The following COL22A1 variants were observed in gnomAD, a reference collection of about 807,000 sequenced individuals.
COL22A1 encodes collagen type XXII alpha 1 chain.
Under a neutral mutation model 248.9 loss-of-function variants are expected in COL22A1, and 221 were observed. That is an observed-to-expected ratio of 0.89 (90% CI 0.80 to 0.99). The LOEUF (loss-of-function observed/expected upper bound fraction) is 0.99. COL22A1 is among the 50% of genes least tolerant of loss of function. COL22A1 has a pLI of 0.00. For missense variants in COL22A1, 2,240 were observed against 2,179.0 expected, an observed-to-expected ratio of 1.03 and a Z score of -0.56; for synonymous variants, 891 against 793.4, an observed-to-expected ratio of 1.12 and a Z score of -2.07.
chr8:138,618,218 A>G (rs1819490884), intron 53 of COL22A1, among the ~76,000 whole-genome samples: 1 of 152,232 alleles, frequency 6.6e-6, no homozygotes, highest in Non-Finnish European at 1.5e-5. Flanking sequence ...TCCTCGTTGC[A>G]ATCAAGGTCA....
At chr8:138,863,409 C>T (rs756936185) in intron 3 of COL22A1, among the ~76,000 whole-genome samples, 6 of 152,162 alleles carry the variant, frequency 3.9e-5, no homozygotes, top group South Asian at 4.1e-4. Flanking sequence ...CTGTACATGA[C>T]GCAGTGAGGA....
At chr8:138,623,237 CATATATATAT>C (rs5895541) in intron 52 of COL22A1, among the ~76,000 whole-genome samples, 1 of 141,366 alleles carries the variant, frequency 7.1e-6, no homozygotes, top group Non-Finnish European at 1.5e-5. Flanking sequence ...TGTGTGTGTA[CATATATATAT>C]ATATATATAT....
At chr8:138,662,381 A>G (rs565717519) in intron 42 of COL22A1, among the ~76,000 whole-genome samples, 4 of 152,226 alleles carry the variant, frequency 2.6e-5, no homozygotes, top group African/African-American at 9.6e-5. Flanking sequence ...CTGTGGTGAG[A>G]TGGGCCTGAG....
chr8:138,612,079 A>G (rs1818908038), intron 56 of COL22A1, among the ~76,000 whole-genome samples: 1 of 148,466 alleles, frequency 6.7e-6, no homozygotes, highest in Non-Finnish European at 1.5e-5. Context: ...TGTCTTCTAT[A>G]TGCTTGTAGG....
At chr8:138,811,670 G>T in intron 9 of COL22A1, 129 bp downstream of exon 9, 3 of 1,033,120 alleles carry the variant, frequency 2.9e-6, no homozygotes, top group Non-Finnish European at 4.5e-6. Flanking sequence ...GCACAACACA[G>T]GGTGCTGTCA....
At chr8:138,689,491 G>A (rs149606658) in intron 36 of COL22A1, among the ~76,000 whole-genome samples, 4,936 of 152,206 alleles carry the variant, frequency 0.032, 100 homozygotes, top group Middle Eastern at 0.062. Flanking sequence ...CAAGGCAGAC[G>A]GATCACTTGA....
chr8:138,706,393 C>A (rs1210769022), intron 30 of COL22A1, among the ~76,000 whole-genome samples: 4 of 152,168 alleles, frequency 2.6e-5, no homozygotes, highest in Non-Finnish European at 5.9e-5. Context: ...GGAAGTAAAG[C>A]ACTCCTCAGC....
chr8:138,753,904 G>A (rs900842737), intron 21 of COL22A1, among the ~76,000 whole-genome samples: 2 of 152,196 alleles, frequency 1.3e-5, no homozygotes, highest in African/African-American at 4.8e-5. Context: ...TGGGGACCAT[G>A]AAGTAAAGTA....
chr8:138,616,114 C>G, intron 54 of COL22A1, 60 bp from the exon 55 acceptor site: 1 of 1,373,924 alleles, frequency 7.3e-7, no homozygotes, highest in Non-Finnish European at 1.0e-6. Flanking sequence ...GCTGTCTCAA[C>G]CACAGGGGCA....
intron 1 of COL22A1, among the ~76,000 whole-genome samples, chr8:138,898,342 T>A (rs752364737): frequency 6.6e-6 from 1 of 152,062 alleles, no homozygotes; most frequent in Non-Finnish European, 1.5e-5. Flanking sequence ...CCTTTGGTTA[T>A]CTTAGCAAAC....
chr8:138,743,573 G>A (rs761144018), intron 22 of COL22A1, among the ~76,000 whole-genome samples: 30 of 152,112 alleles, frequency 2.0e-4, no homozygotes, highest in Non-Finnish European at 3.8e-4. Context: ...AGATGTAGCA[G>A]CGGCTATGTA....
At chr8:138,905,464 A>G (rs1359617521) in intron 1 of COL22A1, among the ~76,000 whole-genome samples, 1 of 152,110 alleles carries the variant, frequency 6.6e-6, no homozygotes, top group Non-Finnish European at 1.5e-5. Flanking sequence ...CCCCTTTCCC[A>G]GTTTAGAGCT....
chr8:138,773,659 C>T (rs1224808692), intron 16 of COL22A1, among the ~76,000 whole-genome samples: 7 of 152,204 alleles, frequency 4.6e-5, no homozygotes, highest in Non-Finnish European at 7.3e-5. Context: ...AGGTGTTGCC[C>T]GCTAAACTCT....
chr8:138,662,072 GCC>G lies in COL22A1; in HGVS notation c.3196_3197del (p.Gly1066LeufsTer45). On this transcript the variant is annotated frameshift_variant, in exon 43 of 65. Transcript: ENST00000303045. LOFTEE classifies it high-confidence loss of function. ...CCTGGGGGCCAGGGAATCCAGGTAA[GCC>G]TCGTGATCCCTGAAGAAAAAGAAAA... ...PGDKGSPGSR[G>X]LPGFPGPQGP... The G allele has an allele frequency of 1.2e-6, 2 of 1,612,438 alleles. No individual in the cohort carries two copies. Among genetic ancestry groups the G allele is most frequent in the Non-Finnish European group, 1.7e-6 (2 of 1,179,202 alleles).
intron 5 of COL22A1, among the ~76,000 whole-genome samples, chr8:138,831,670 G>A (rs1820055290): frequency 6.6e-6 from 1 of 152,170 alleles, no homozygotes; most frequent in Non-Finnish European, 1.5e-5. Flanking sequence ...CTAGAACAGA[G>A]ACAGGAGGTA....
intron 28 of COL22A1, 150 bp from the exon 29 acceptor site, chr8:138,716,439 C>T (rs9969523): frequency 9.5e-6 from 6 of 628,348 alleles, no homozygotes; most frequent in South Asian, 2.0e-5. Flanking sequence ...GTGGAGAAAG[C>T]GGAATTCTAG....
At chr8:138,633,502 G>A (rs1490161435) in intron 49 of COL22A1, among the ~76,000 whole-genome samples, 1 of 152,230 alleles carries the variant, frequency 6.6e-6, no homozygotes, top group African/African-American at 2.4e-5. Flanking sequence ...TACCAGGGTG[G>A]AGTGGAGATG....
intron 16 of COL22A1, among the ~76,000 whole-genome samples, chr8:138,766,712 G>A (rs969084293): frequency 1.3e-5 from 2 of 152,116 alleles, no homozygotes; most frequent in African/African-American, 4.8e-5. Context: ...ACACAGTCAG[G>A]GACAGGGAGA....
chr8:138,621,409 G>A (rs1390205812), intron 52 of COL22A1, among the ~76,000 whole-genome samples: 2 of 152,106 alleles, frequency 1.3e-5, no homozygotes, highest in Admixed American at 1.3e-4. Context: ...TTCTTTCTCT[G>A]TTCCATTCTC....
Sources: gnomAD v4.1 joint callset for allele counts (sites outside exome capture counted in the v4.1 genomes callset) on GRCh38, gnomAD v4.1.1 for gene constraint, MANE v1.5 for transcripts, NCBI Gene and HGNC (gene_info 2026-07-23, HGNC 2026-07-21) for gene names.